The following NDUFAF2 variants were observed in gnomAD, a reference collection of about 807,000 sequenced individuals.
NDUFAF2 encodes NADH dehydrogenase [ubiquinone] 1 alpha subcomplex assembly factor 2.
In NDUFAF2, 13 loss-of-function variants were observed where a neutral mutation model predicts 22.8. The observed-to-expected ratio is 0.57, with a 90% CI of 0.37 to 0.91. The LOEUF (loss-of-function observed/expected upper bound fraction) is 0.91, where lower values mean the gene tolerates loss of function less well. Ranked by LOEUF, NDUFAF2 falls within the 40% of genes least tolerant of loss-of-function variation. NDUFAF2 has a pLI of 0.01. For missense variants in NDUFAF2, 162 were observed against 195.2 expected (o/e 0.83, Z 1.01); for synonymous variants, 53 against 64.2 (o/e 0.83, Z 0.84).
chr5:61,045,928 C>T (rs995233814), intron 1 of NDUFAF2, among the ~76,000 whole-genome samples: 1 of 152,052 alleles, frequency 6.6e-6, no homozygotes, highest in African/African-American at 2.4e-5. Context: ...CAACTCTTCA[C>T]CATTGTGATG....
intron 1 of NDUFAF2, among the ~76,000 whole-genome samples, chr5:61,070,672 A>G (rs1352741670): frequency 6.6e-6 from 1 of 151,688 alleles, no homozygotes; most frequent in Non-Finnish European, 1.5e-5. Flanking sequence ...GATTTTTTAA[A>G]TCCTTGGGAG....
In NDUFAF2 at chr5:60,994,230, C is replaced by T. The variant is rs981854010; in HGVS notation, c.127+48848C>T. ...CAGGCACTAGGAGCGGGAGCAGACACTTCTGAGCCTGTTGGGGCAGGAGGA... is the reference window on the plus strand; with the variant it reads ...CAGGCACTAGGAGCGGGAGCAGACATTTCTGAGCCTGTTGGGGCAGGAGGA... On this transcript the variant is annotated intron_variant, in intron 1 of 3. Transcript: ENST00000296597. Among the ~76,000 whole-genome samples the T allele has an allele frequency of 2.6e-5, 4 of 152,274 alleles. No individual in the cohort carries two copies. In the South Asian group the frequency reaches 6.2e-4, roughly 24 times the overall value.
intron 1 of NDUFAF2, among the ~76,000 whole-genome samples, chr5:61,045,076 A>ATTTT (rs1485447966): frequency 6.3e-5 from 9 of 143,104 alleles, no homozygotes; most frequent in African/African-American, 1.5e-4. Context: ...GTTTTATTAA[A>ATTTT]ATTTAATAAA....
At chr5:60,976,275 T>G (rs1450711516) in intron 1 of NDUFAF2, among the ~76,000 whole-genome samples, 1 of 151,266 alleles carries the variant, frequency 6.6e-6, no homozygotes, top group Admixed American at 6.6e-5. Context: ...TAGTATCAAA[T>G]GAAGTAGACT....
At chr5:61,009,423 G>A (rs2112596637) in intron 1 of NDUFAF2, among the ~76,000 whole-genome samples, 1 of 152,138 alleles carries the variant, frequency 6.6e-6, no homozygotes, top group Non-Finnish European at 1.5e-5. Flanking sequence ...CCTCCCTCAA[G>A]AGCATCTCAA....
rs536747262 is a variant in NDUFAF2 at position 61,106,445 on chromosome 5, T to C, written c.258+7413T>C. On this transcript the variant is annotated intron_variant, in intron 3 of 3. Coordinates refer to ENST00000296597, the MANE Select transcript of NDUFAF2 (RefSeq NM_174889.5). ...TTAGTAGGTGTATATACTTAGAAGGTTCTTGAGATATTTTGATACGTGCAT... is the reference window on the plus strand; with the variant it reads ...TTAGTAGGTGTATATACTTAGAAGGCTCTTGAGATATTTTGATACGTGCAT... Among the ~76,000 whole-genome samples, 336 of 151,494 alleles carry C rather than the reference T, an allele frequency of 2.2e-3. 2 individuals carry two copies. Among genetic ancestry groups the C allele is most frequent in the Non-Finnish European group, 4.1e-3 (279 of 68,004 alleles).
intron 1 of NDUFAF2, among the ~76,000 whole-genome samples, chr5:61,003,257 A>G (rs968864854): frequency 1.3e-5 from 2 of 152,120 alleles, no homozygotes; most frequent in Admixed American, 1.3e-4. Flanking sequence ...TCCGTACTTT[A>G]GAAAACTGGC....
chr5:60,968,252 G>T (rs1336855996), intron 1 of NDUFAF2, among the ~76,000 whole-genome samples: 1 of 151,342 alleles, frequency 6.6e-6, no homozygotes, highest in African/African-American at 2.4e-5. Context: ...CTAAAGGTTT[G>T]ACCATTTTTA....
At chr5:61,128,062 A>G (rs909240774) in intron 3 of NDUFAF2, among the ~76,000 whole-genome samples, 7 of 152,222 alleles carry the variant, frequency 4.6e-5, no homozygotes, top group African/African-American at 1.4e-4. Flanking sequence ...TTCAAAGAGA[A>G]TAAAATAGCT....
intron 1 of NDUFAF2, among the ~76,000 whole-genome samples, chr5:61,067,494 AT>A (rs989892302): frequency 6.6e-6 from 1 of 151,898 alleles, no homozygotes; most frequent in Non-Finnish European, 1.5e-5. Flanking sequence ...TGAACTCATC[AT>A]TTTTTATGGC....
At chr5:61,018,005 G>T (rs181358614) in intron 1 of NDUFAF2, among the ~76,000 whole-genome samples, 1 of 152,180 alleles carries the variant, frequency 6.6e-6, no homozygotes, top group African/African-American at 2.4e-5. Context: ...GCCCACCTCG[G>T]CCTCCCAGAG....
chr5:61,054,838 A>G (rs2049579), intron 1 of NDUFAF2, among the ~76,000 whole-genome samples: 63,270 of 152,000 alleles, frequency 0.42, 14,059 homozygotes, highest in East Asian at 0.81. Context: ...AGTAGAGAGC[A>G]TTGCTTTAAA....
At chr5:61,037,297 G>A (rs1401970643) in intron 1 of NDUFAF2, among the ~76,000 whole-genome samples, 2 of 152,156 alleles carry the variant, frequency 1.3e-5, no homozygotes, top group African/African-American at 2.4e-5. Flanking sequence ...CTTAAACTTG[G>A]TTATAAAGGG....
chr5:60,994,571 A>G (rs1028269411), intron 1 of NDUFAF2, among the ~76,000 whole-genome samples: 2 of 152,150 alleles, frequency 1.3e-5, no homozygotes, highest in Non-Finnish European at 2.9e-5. Flanking sequence ...TACCATTAAT[A>G]TTGGAGCTCC....
chr5:60,973,206 T>G (rs1750858852), intron 1 of NDUFAF2, among the ~76,000 whole-genome samples: 1 of 152,208 alleles, frequency 6.6e-6, no homozygotes, highest in Non-Finnish European at 1.5e-5. Context: ...CTTGGTTGGA[T>G]GCAGCTTACT....
intron 3 of NDUFAF2, among the ~76,000 whole-genome samples, chr5:61,137,727 T>C (rs1348122621): frequency 6.6e-6 from 1 of 152,156 alleles, no homozygotes; most frequent in Non-Finnish European, 1.5e-5. Context: ...TCGGCAGCAA[T>C]TGGGTCATTT....
chr5:61,126,726 T>G (rs1350736602), intron 3 of NDUFAF2, among the ~76,000 whole-genome samples: 4 of 152,000 alleles, frequency 2.6e-5, no homozygotes, highest in African/African-American at 9.7e-5. Flanking sequence ...TCAGGGAAGA[T>G]TAATACATTC....
chr5:60,945,586 C>G (rs1053197511), intron 1 of NDUFAF2, among the ~76,000 whole-genome samples: 1 of 152,224 alleles, frequency 6.6e-6, no homozygotes, highest in African/African-American at 2.4e-5. Flanking sequence ...GCGCCTTGGC[C>G]CGGCCTCGTG....
At chr5:61,023,740 T>G (rs1751615906) in intron 1 of NDUFAF2, among the ~76,000 whole-genome samples, 1 of 152,210 alleles carries the variant, frequency 6.6e-6, no homozygotes, top group Admixed American at 6.5e-5. Flanking sequence ...AATTAATGAC[T>G]GGCTTCTTTC....
Sources: gnomAD v4.1 joint callset for allele counts (sites outside exome capture counted in the v4.1 genomes callset) on GRCh38, gnomAD v4.1.1 for gene constraint, MANE v1.5 for transcripts, NCBI Gene and HGNC (gene_info 2026-07-23, HGNC 2026-07-21) for gene names.